The following PLD5 variants were observed in gnomAD, a reference collection of about 807,000 sequenced individuals.
The protein encoded by PLD5 is inactive phospholipase D5.
Under a neutral mutation model 61.1 loss-of-function variants are expected in PLD5, and 36 were observed. That is an observed-to-expected ratio of 0.59 (90% CI 0.45 to 0.78). PLD5 has a LOEUF of 0.78. Ranked by LOEUF, PLD5 falls within the 30% of genes least tolerant of loss-of-function variation. PLD5 has a pLI of 0.00. For missense variants in PLD5, 515 were observed against 644.4 expected (o/e 0.80, Z 2.17); for synonymous variants, 243 against 242.8 (o/e 1.00, Z -0.01).
intron 6 of PLD5, among the ~76,000 whole-genome samples, chr1:242,116,000 T>C (rs180927777): frequency 4.6e-5 from 7 of 152,354 alleles, no homozygotes; most frequent in African/African-American, 1.7e-4. Context: ...CTGAAAATAG[T>C]GTTTCCCACA....
At chr1:242,094,549 T>C (rs1369936795) in intron 9 of PLD5, among the ~76,000 whole-genome samples, 2 of 151,844 alleles carry the variant, frequency 1.3e-5, no homozygotes, top group African/African-American at 4.9e-5. Context: ...ATTTAAATTA[T>C]TGATGGATTT....
At chr1:242,390,386 T>G (rs571493542) in intron 1 of PLD5, among the ~76,000 whole-genome samples, 8 of 152,274 alleles carry the variant, frequency 5.3e-5, no homozygotes, top group African/African-American at 1.9e-4. Context: ...AAAAACATAT[T>G]TGTTCCCTTG....
intron 3 of PLD5, among the ~76,000 whole-genome samples, chr1:242,268,882 G>A (rs1268990561): frequency 8.6e-5 from 13 of 152,024 alleles, no homozygotes; most frequent in South Asian, 4.2e-4. Context: ...TCGATCTGTC[G>A]CCCAGACTGG....
intron 1 of PLD5, among the ~76,000 whole-genome samples, chr1:242,361,970 T>G (rs1190100570): frequency 7.5e-6 from 1 of 133,144 alleles, no homozygotes; most frequent in East Asian, 2.2e-4. Flanking sequence ...CCTCATCTCA[T>G]TTTTTTTTTT....
intron 2 of PLD5, among the ~76,000 whole-genome samples, chr1:242,291,671 T>C (rs1371795678): frequency 6.6e-6 from 1 of 151,494 alleles, no homozygotes; most frequent in East Asian, 1.9e-4. Flanking sequence ...CCAGGCGTGG[T>C]GGTGGGCGCC....
chr1:242,415,314 CTG>C (rs1196415888), intron 1 of PLD5, among the ~76,000 whole-genome samples: 1 of 152,080 alleles, frequency 6.6e-6, no homozygotes, highest in Non-Finnish European at 1.5e-5. Context: ...CTGCAGGACT[CTG>C]TGAAACAGCA....
At chr1:242,504,944 C>T (rs2102994116) in intron 1 of PLD5, among the ~76,000 whole-genome samples, 1 of 152,124 alleles carries the variant, frequency 6.6e-6, no homozygotes, top group African/African-American at 2.4e-5. Context: ...TTGCTTGAGC[C>T]CAGGAATTTG....
rs191310615 is a variant in PLD5 at position 242,294,798 on chromosome 1, T to G, written c.327-6268A>C. Among the ~76,000 whole-genome samples the G allele has an allele frequency of 7.3e-3, 1,110 of 152,300 alleles. 17 individuals carry two copies. Among genetic ancestry groups the G allele is most frequent in the African/African-American group, 0.025 (1,034 of 41,558 alleles). ...TAAAGTAACTTAGTCTGAAGACTTA[T>G]AATTGAAAAAAATGTCTCCAAGTTT... On this transcript the variant is annotated intron_variant, in intron 2 of 9. Transcript: ENST00000536534.
Position 242,164,167 on chromosome 1 carries a change from G to GAAA in PLD5, c.736-39505_736-39503dup, listed in dbSNP as rs34329270. 5.6e-3 allele frequency among the ~76,000 whole-genome samples: 810 copies of GAAA among 145,872 alleles called. 7 individuals carry two copies. The highest frequency in any genetic ancestry group is 0.017 in the African/African-American group (685 of 39,828). On this transcript the variant is annotated intron_variant, in intron 5 of 9. Coordinates refer to ENST00000536534, the MANE Select transcript of PLD5 (RefSeq NM_001372062.1). ...GCCATTGGTCATGCATCTGAATGCAGAAAAAAAAAAAAGAAATTCATGCAG... is the reference window on the plus strand; with the variant it reads ...GCCATTGGTCATGCATCTGAATGCAGAAAAAAAAAAAAAAAGAAATTCATGCAG...
chr1:242,226,279 C>T (rs749927556), intron 4 of PLD5, among the ~76,000 whole-genome samples: 8 of 152,074 alleles, frequency 5.3e-5, no homozygotes, highest in Non-Finnish European at 1.2e-4. Flanking sequence ...GGATGTCAAC[C>T]GAGAGATGCA....
chr1:242,450,888 C>CT (rs34253551), intron 1 of PLD5, among the ~76,000 whole-genome samples: 4 of 152,184 alleles, frequency 2.6e-5, no homozygotes, highest in African/African-American at 9.6e-5. Context: ...CTAGACACCC[C>CT]TTTAAGGGGT....
intron 2 of PLD5, among the ~76,000 whole-genome samples, chr1:242,318,651 A>AT (rs1157505325): frequency 1.4e-5 from 2 of 145,710 alleles, no homozygotes; most frequent in East Asian, 4.4e-4. Context: ...GGGGCTTTTG[A>AT]TTTTTTAATT....
At chr1:242,475,072 T>C (rs995690364) in intron 1 of PLD5, among the ~76,000 whole-genome samples, 1 of 152,200 alleles carries the variant, frequency 6.6e-6, no homozygotes, top group African/African-American at 2.4e-5. Flanking sequence ...ATTGAAAGGC[T>C]TGAGCCTCTA....
chr1:242,440,812 C>T (rs1666239107), intron 1 of PLD5, among the ~76,000 whole-genome samples: 1 of 152,186 alleles, frequency 6.6e-6, no homozygotes, highest in Non-Finnish European at 1.5e-5. Context: ...CTCCCTCTCC[C>T]TCACTCCGCC....
intron 1 of PLD5, among the ~76,000 whole-genome samples, chr1:242,501,693 T>C (rs190349607): frequency 2.6e-3 from 395 of 152,226 alleles, no homozygotes; most frequent in Middle Eastern, 6.8e-3. Flanking sequence ...TTGTAAGCTT[T>C]ACAATGCATT....
At chr1:242,280,221 G>A (rs1488005253) in intron 3 of PLD5, among the ~76,000 whole-genome samples, 1 of 152,186 alleles carries the variant, frequency 6.6e-6, no homozygotes, top group East Asian at 1.9e-4. Flanking sequence ...TTTGTTCAAT[G>A]TGACCACAAC....
At chr1:242,119,910 T>C (rs1574334234) in intron 6 of PLD5, among the ~76,000 whole-genome samples, 1 of 152,072 alleles carries the variant, frequency 6.6e-6, no homozygotes, top group South Asian at 2.1e-4. Context: ...AGCCAAGAAA[T>C]AGTAGTAGTA....
chr1:242,199,869 A>ATAG (rs755224792), intron 5 of PLD5, among the ~76,000 whole-genome samples: 1 of 152,180 alleles, frequency 6.6e-6, no homozygotes, highest in Non-Finnish European at 1.5e-5. Context: ...TCACAGATGA[A>ATAG]TAGTATTTCA....
intron 1 of PLD5, among the ~76,000 whole-genome samples, chr1:242,471,078 C>T (rs1211181597): frequency 6.6e-6 from 1 of 152,210 alleles, no homozygotes; most frequent in Non-Finnish European, 1.5e-5. Context: ...TTATCAAGGG[C>T]TCCCTGGTGG....
Sources: allele counts gnomAD v4.1 joint callset (sites outside exome capture counted in the v4.1 genomes callset), GRCh38; gene constraint gnomAD v4.1.1; transcripts MANE v1.5; gene names NCBI Gene and HGNC (gene_info 2026-07-23, HGNC 2026-07-21).